NEXMIF: variants seen among roughly 807,000 people sequenced by gnomAD.
NEXMIF encodes the protein neurite extension and migration factor, also known as XLMR protein related to neurite extension.
Under a neutral mutation model 62.1 loss-of-function variants are expected in NEXMIF, and 8 were observed. The ratio of observed to expected loss-of-function variants is 0.13; its 90% CI spans 0.08 to 0.23. The LOEUF is 0.23. Ranked by LOEUF, NEXMIF falls within the 10% of genes least tolerant of loss-of-function variation. The probability of loss-of-function intolerance (pLI) is 1.00; values close to 1 mark genes in which losing one functional copy is unlikely to be tolerated. For missense variants in NEXMIF, 976 were observed against 1,113.3 expected (o/e 0.88, Z 1.75); for synonymous variants, 404 against 416.6 (o/e 0.97, Z 0.37).
chrX:74,891,866 A>T lies in NEXMIF; in HGVS notation c.-48+33017T>A, dbSNP rs991144787. Among the ~76,000 whole-genome samples the T allele has an allele frequency of 3.6e-5, 4 of 112,099 alleles. No homozygotes were observed. In the Admixed American group the frequency reaches 3.8e-4, roughly 11 times the overall value. On this transcript the variant is annotated intron_variant, in intron 1 of 3. Transcript: ENST00000055682. ...TGATTCAGTCTCTTCTACTTCTCCG[A>T]CATGGCTCCTTTCCCCTCACCCTTT...
At chrX:74,841,615 C>A (rs190946471) in intron 1 of NEXMIF, among the ~76,000 whole-genome samples, 1 of 111,655 alleles carries the variant, frequency 9.0e-6, no homozygotes, top group East Asian at 2.8e-4. Context: ...GGCTGTGGGA[C>A]TGTCATAGAT....
chrX:74,844,690 G>T (rs1209970353), intron 1 of NEXMIF, among the ~76,000 whole-genome samples: 1 of 111,645 alleles, frequency 9.0e-6, no homozygotes, highest in East Asian at 2.8e-4. Context: ...ATAACAAATC[G>T]TCTCTATACT....
chrX:74,873,015 G>C (rs1263875717), intron 1 of NEXMIF, among the ~76,000 whole-genome samples: 3 of 106,697 alleles, frequency 2.8e-5, no homozygotes, highest in Non-Finnish European at 5.8e-5. Flanking sequence ...TATACTTTAA[G>C]TTTTAGGATA....
In NEXMIF at chrX:74,743,001, T is replaced by A. The variant is rs1556016638; in HGVS notation, c.1556A>T (p.Asp519Val). 8 of 1,211,647 alleles carry A rather than the reference T, an allele frequency of 6.6e-6. No individual in the cohort carries two copies. The highest frequency in any genetic ancestry group is 7.8e-6 in the Non-Finnish European group (7 of 895,469). Residue 519 changes from aspartate to valine, a missense_variant, in exon 3 of 4, where the codon GAT (aspartate) becomes GTT (valine). Asp to Val is a radical substitution (Grantham distance 152, BLOSUM62 -3). This residue lies in a region of NEXMIF where 639 missense variants were observed against 694.5 expected (regional missense o/e 0.92). Transcript: ENST00000055682. ...CTTTTTGGGACACCATTCATCATCA[T>A]CTTCCTCTTTGGAACCAACTGGCAG... is the stretch of plus-strand genomic sequence containing the variant. ...EWLPVGSKEE[D>V]DDEWCPKKRR...
intron 1 of NEXMIF, among the ~76,000 whole-genome samples, chrX:74,859,753 C>T (rs888724956): frequency 2.7e-5 from 3 of 110,923 alleles, no homozygotes; most frequent in Non-Finnish European, 5.7e-5. Context: ...AGTTAAAAAG[C>T]GGGAGGATGA....
At chrX:74,870,343 A>T (rs971668503) in intron 1 of NEXMIF, among the ~76,000 whole-genome samples, 1 of 111,561 alleles carries the variant, frequency 9.0e-6, no homozygotes, top group Non-Finnish European at 1.9e-5. Context: ...AAAGACTGAA[A>T]TCTAAGACCT....
chrX:74,818,361 A>C (rs1220423707), intron 1 of NEXMIF, among the ~76,000 whole-genome samples: 3 of 111,698 alleles, frequency 2.7e-5, no homozygotes, highest in Admixed American at 9.5e-5. Flanking sequence ...CAACAAGAAC[A>C]AGCAATGGGG....
chrX:74,905,981 A>C (rs1426196965), intron 1 of NEXMIF, among the ~76,000 whole-genome samples: 2 of 111,740 alleles, frequency 1.8e-5, no homozygotes, highest in Admixed American at 1.9e-4. Flanking sequence ...AGAAATAGGA[A>C]AAAAAAGGCT....
intron 1 of NEXMIF, among the ~76,000 whole-genome samples, chrX:74,810,800 T>C (rs2080358239): frequency 9.0e-6 from 1 of 111,259 alleles, no homozygotes; most frequent in Admixed American, 9.6e-5. Flanking sequence ...ATAATATGAA[T>C]GAAGGTTACC....
intron 1 of NEXMIF, among the ~76,000 whole-genome samples, chrX:74,852,199 G>C (rs2080517253): frequency 9.0e-6 from 1 of 111,381 alleles, no homozygotes. Flanking sequence ...ACTTTAACTT[G>C]AAAACAATAA....
At chrX:74,755,616 G>A (rs1208579551) in intron 1 of NEXMIF, among the ~76,000 whole-genome samples, 2 of 111,546 alleles carry the variant, frequency 1.8e-5, no homozygotes, top group Non-Finnish European at 3.8e-5. Context: ...ATGAAGATAA[G>A]TGCACTTCCC....
At chrX:74,866,267 T>C (rs1195004056) in intron 1 of NEXMIF, among the ~76,000 whole-genome samples, 2 of 111,757 alleles carry the variant, frequency 1.8e-5, no homozygotes, top group Non-Finnish European at 3.8e-5. Context: ...TAAGGTTTAA[T>C]GACAGCCTGA....
chrX:74,916,870 G>A (rs753684394), intron 1 of NEXMIF, among the ~76,000 whole-genome samples: 6 of 111,355 alleles, frequency 5.4e-5, no homozygotes, highest in Admixed American at 9.5e-5. Context: ...AATTCCCTAT[G>A]AGACAGAAAA....
intron 1 of NEXMIF, among the ~76,000 whole-genome samples, chrX:74,912,422 C>T (rs1314186593): frequency 9.0e-6 from 1 of 111,702 alleles, no homozygotes; most frequent in African/African-American, 3.3e-5. Flanking sequence ...GAAGACTTTC[C>T]CTCTACTCAA....
At chrX:74,778,138 C>A (rs2080234217) in intron 1 of NEXMIF, among the ~76,000 whole-genome samples, 2 of 112,070 alleles carry the variant, frequency 1.8e-5, no homozygotes, top group South Asian at 3.7e-4. Flanking sequence ...ATGTAAAGAG[C>A]CAAATTCCAC....
chrX:74,736,415 G>A lies in NEXMIF; in HGVS notation c.*2990C>T, dbSNP rs1205192157. 1 of 110,925 alleles carries A rather than the reference G, an allele frequency of 9.0e-6. No individual in the cohort carries two copies. The highest frequency in any genetic ancestry group is 3.3e-5 in the African/African-American group (1 of 30,479). 9.1% of individuals were successfully genotyped at this position (110,925 alleles called of 1,213,427 possible). Reference sequence around the variant, plus strand: ...ATTTCCAGGAAAGTAAAGATTAAATGGGACTCTGTTAGGGAGGCATTAATA... The same window carrying A: ...ATTTCCAGGAAAGTAAAGATTAAATAGGACTCTGTTAGGGAGGCATTAATA... On this transcript the variant is annotated 3_prime_UTR_variant, in exon 4 of 4. Transcript: ENST00000055682.
At chrX:74,853,379 C>T (rs980420677) in intron 1 of NEXMIF, among the ~76,000 whole-genome samples, 26 of 107,713 alleles carry the variant, frequency 2.4e-4, no homozygotes, top group Non-Finnish European at 4.0e-4. Flanking sequence ...TATGCAAATG[C>T]GGCCTCCACC....
In NEXMIF at chrX:74,813,064, CA is replaced by C. The variant is rs753849549; in HGVS notation, c.-47-67368del. Among the ~76,000 whole-genome samples the C allele has an allele frequency of 2.7e-5, 3 of 111,791 alleles. No homozygotes were observed. In the East Asian group the frequency reaches 8.4e-4, roughly 31 times the overall value. ...CTCTGTCAAACAGAAATCATAATAA[CA>C]GGCACAAAATTCCTAGGGATGATGT... On this transcript the variant is annotated intron_variant, in intron 1 of 3. Transcript: ENST00000055682.
intron 1 of NEXMIF, among the ~76,000 whole-genome samples, chrX:74,755,892 A>T (rs765354998): frequency 4.4e-4 from 48 of 109,821 alleles, no homozygotes; most frequent in South Asian, 4.2e-3. Context: ...TAAATTAAAA[A>T]TTTTTTTTTT....
Sources: allele counts gnomAD v4.1 joint callset (sites outside exome capture counted in the v4.1 genomes callset), GRCh38; gene constraint gnomAD v4.1.1; regional missense constraint gnomAD v4.1.1; transcripts MANE v1.5; gene names NCBI Gene and HGNC (gene_info 2026-07-23, HGNC 2026-07-21).